UBR7: variants seen among roughly 807,000 people sequenced by gnomAD.
UBR7 encodes putative E3 ubiquitin-protein ligase UBR7.
A neutral mutation model predicts 57.0 loss-of-function variants in UBR7; 22 were observed. The observed-to-expected ratio is 0.39, with a 90% CI of 0.28 to 0.55. The LOEUF (loss-of-function observed/expected upper bound fraction) is 0.55. Ranked by LOEUF, UBR7 falls within the 20% of genes least tolerant of loss-of-function variation. The pLI, the probability that UBR7 is intolerant of heterozygous loss-of-function variation, is 0.69. For synonymous variants in UBR7, 167 were observed against 179.8 expected (o/e 0.93, Z 0.57); for missense variants, 395 against 513.2 (o/e 0.77, Z 2.23).
At chr14:93,222,193 TAAG>T (rs1006175806) in intron 9 of UBR7, 117 bp from the exon 10 acceptor site, 7 of 731,404 alleles carry the variant, frequency 9.6e-6, no homozygotes, top group East Asian at 5.4e-5. Context: ...AGCTTTCACT[TAAG>T]AAAATTTTTA....
At chr14:93,222,455 C>A in intron 10 of UBR7, 81 bp downstream of exon 10, 1 of 1,112,014 alleles carries the variant, frequency 9.0e-7, no homozygotes, top group Non-Finnish European at 1.4e-6. Context: ...TTAAAAATGA[C>A]TGCGACTGGC....
At chr14:93,215,358 A>C (rs1204297439) in intron 6 of UBR7, 77 bp downstream of exon 6, 8 of 1,187,184 alleles carry the variant, frequency 6.7e-6, no homozygotes, top group Non-Finnish European at 9.8e-6. Flanking sequence ...AATTTTTAGC[A>C]ACTATTTTTA....
At chr14:93,209,407 T>C (rs1894433463) in intron 1 of UBR7, among the ~76,000 whole-genome samples, 1 of 152,228 alleles carries the variant, frequency 6.6e-6, no homozygotes, top group African/African-American at 2.4e-5. Flanking sequence ...GATCCATTTA[T>C]TCACAGCTGA....
At chr14:93,207,985 C>G (rs1440547073) in intron 1 of UBR7, among the ~76,000 whole-genome samples, 2 of 152,014 alleles carry the variant, frequency 1.3e-5, no homozygotes, top group African/African-American at 4.8e-5. Flanking sequence ...CAAAATGAAG[C>G]AAGTACCCAT....
chr14:93,211,956 T>G, intron 3 of UBR7, 76 bp from the exon 4 acceptor site: 1 of 1,132,862 alleles, frequency 8.8e-7, no homozygotes, highest in Non-Finnish European at 1.3e-6. Flanking sequence ...ATGTATTGAA[T>G]GCATAAATTT....
chr14:93,223,837 C>T (rs370941774), intron 10 of UBR7: 10 of 749,636 alleles, frequency 1.3e-5, no homozygotes, highest in Non-Finnish European at 2.4e-5. Flanking sequence ...CCGCGGTGGT[C>T]AGGTCCCGGT....
chr14:93,226,528 C>T (rs977103273), intron 10 of UBR7, among the ~76,000 whole-genome samples: 24 of 152,288 alleles, frequency 1.6e-4, no homozygotes, highest in African/African-American at 4.8e-4. Context: ...CGGTGGCTCA[C>T]GCCTGTAATC....
intron 6 of UBR7, 106 bp from the exon 7 acceptor site, chr14:93,218,421 A>AAT (rs1566822690): frequency 1.5e-4 from 152 of 1,029,970 alleles, no homozygotes; most frequent in Non-Finnish European, 2.1e-4. Context: ...TAAAAAAAAA[A>AAT]AATAATAATA....
chr14:93,219,383 A>G, intron 8 of UBR7, 22 bp downstream of exon 8: 1 of 1,614,204 alleles, frequency 6.2e-7, no homozygotes, highest in African/African-American at 1.3e-5. Context: ...GATTGTGCTC[A>G]GTGTTAGCAT....
rs767910462 is a variant in UBR7, at chr14:93,220,206, G to T, written c.961-43G>T. 7 of 1,584,624 alleles carry T rather than the reference G, an allele frequency of 4.4e-6. No homozygotes were observed. In the African/African-American group the frequency reaches 9.5e-5, roughly 22 times the overall value. On this transcript the variant is annotated intron_variant, in intron 8 of 10. Transcript: ENST00000013070. ...TCTGAGAATGATAAACAGTTCTAAT[G>T]GGGAAACTCCTCTTTCTTTTTTTTT...
rs568884023 is a variant in UBR7 at position 93,225,639 on chromosome 14, G to A, written c.1186-1304G>A. Among the ~76,000 whole-genome samples, 235 of 152,058 alleles carry A rather than the reference G, an allele frequency of 1.5e-3. 3 individuals carry two copies. The highest frequency in any genetic ancestry group is 3.5e-4 in the Non-Finnish European group (24 of 67,980). On this transcript the variant is annotated intron_variant, in intron 10 of 10. Transcript: ENST00000013070. ...CAGAGCGAGACCCTGTCTCTAAAAA[G>A]CAATAATAATTAATAAACTTAGAAA...
intron 10 of UBR7, chr14:93,223,844 C>T (rs61732168): frequency 2.3e-5 from 17 of 748,932 alleles, no homozygotes; most frequent in East Asian, 7.4e-5. Context: ...GGTCAGGTCC[C>T]GGTATTCCCG....
intron 9 of UBR7, among the ~76,000 whole-genome samples, chr14:93,221,373 C>T (rs766980212): frequency 6.6e-6 from 1 of 151,872 alleles, no homozygotes; most frequent in East Asian, 2.0e-4. Context: ...CTTGGCCTCC[C>T]AAAGTACTGG....
intron 10 of UBR7, 64 bp downstream of exon 10, chr14:93,222,438 T>C: frequency 7.9e-7 from 1 of 1,265,994 alleles, no homozygotes; most frequent in Non-Finnish European, 1.2e-6. Flanking sequence ...TTTATTTCCT[T>C]TGACGATTAA....
chr14:93,210,100 T>TATTTATTTATTTATTTATTTA (rs1555384908), intron 2 of UBR7, 143 bp downstream of exon 2: 1 of 597,760 alleles, frequency 1.7e-6, no homozygotes, highest in African/African-American at 2.0e-5. Context: ...TTTATTTATT[T>TATTTATTTATTTATTTATTTA]TGAGACGGAG....
In UBR7 at chr14:93,218,568, A is replaced by C. The variant is rs1315126101; in HGVS notation, c.643A>C (p.Ile215Leu). Residue 215 changes from isoleucine to leucine, a missense_variant, in exon 7 of 11, where the codon ATT (isoleucine) becomes CTT (leucine). By Grantham distance (5) the Ile-to-Leu change is conservative. Transcript: ENST00000013070. ...STEDDGLVRN[I>L]DGIGDQEVIK... Reference sequence around the variant, plus strand: ...TGAGGATGATGGATTGGTGCGGAACATTGATGGAATAGGTGATCAGGAAGT... The same window carrying C: ...TGAGGATGATGGATTGGTGCGGAACCTTGATGGAATAGGTGATCAGGAAGT... 1.2e-6 allele frequency: 2 copies of C among 1,614,168 alleles called. No individual in the cohort carries two copies. The highest frequency in any genetic ancestry group is 1.7e-6 in the Non-Finnish European group (2 of 1,180,040).
In UBR7 at chr14:93,223,630, A is replaced by G. The variant is rs1595270510; in HGVS notation, c.1185+1256A>G. 8.8e-6 allele frequency: 12 copies of G among 1,369,726 alleles called. No individual in the cohort carries two copies. In the East Asian group the frequency reaches 2.6e-4, roughly 30 times the overall value. 84.8% of individuals were successfully genotyped at this position (1,369,726 alleles called of 1,614,324 possible). A position where few individuals can be genotyped will look rare whatever the true frequency, so the allele number is the denominator to read the frequency against. On this transcript the variant is annotated intron_variant, in intron 10 of 10. Coordinates refer to ENST00000013070, the MANE Select transcript of UBR7 (RefSeq NM_175748.4). ...AACGTGTTGGGCCTCTTGGTGGTGA[A>G]GCGTGGCTTGGGCTGACGGGCAGGA...
intron 10 of UBR7, among the ~76,000 whole-genome samples, chr14:93,223,140 T>C (rs1894745412): frequency 6.6e-6 from 1 of 151,940 alleles, no homozygotes; most frequent in Non-Finnish European, 1.5e-5. Context: ...GCTCACGCCT[T>C]AATCCCAGCA....
chr14:93,217,029 G>A (rs1894606032), intron 6 of UBR7, among the ~76,000 whole-genome samples: 1 of 151,286 alleles, frequency 6.6e-6, no homozygotes, highest in Non-Finnish European at 1.5e-5. Flanking sequence ...CATTCATTGG[G>A]TTTTTTTGTT....
Sources: allele counts gnomAD v4.1 joint callset (sites outside exome capture counted in the v4.1 genomes callset), GRCh38; gene constraint gnomAD v4.1.1; transcripts MANE v1.5; gene names NCBI Gene and HGNC (gene_info 2026-07-23, HGNC 2026-07-21).